TMEM114: variants seen among roughly 807,000 people sequenced by gnomAD.
TMEM114 encodes claudin-26.
Under a neutral mutation model 6.2 loss-of-function variants are expected in TMEM114, and 6 were observed. The observed-to-expected ratio is 0.97, with a 90% CI of 0.53 to 1.91. TMEM114 has a LOEUF of 1.91. TMEM114 is among the 40% of genes most tolerant of loss of function. The pLI is 0.01. For missense variants in TMEM114, 218 were observed against 158.3 expected (o/e 1.38, Z -2.02); for synonymous variants, 104 against 73.0 (o/e 1.42, Z -2.16).
chr16:8,588,888 C>T (rs1433482084), intron 2 of TMEM114, among the ~76,000 whole-genome samples: 3 of 152,232 alleles, frequency 2.0e-5, no homozygotes, highest in Non-Finnish European at 4.4e-5. Context: ...CTGCTGGACT[C>T]TAACTGCGCG....
At chr16:8,564,405 ATGAG>A (rs1242643024) in intron 2 of TMEM114, among the ~76,000 whole-genome samples, 6 of 144,024 alleles carry the variant, frequency 4.2e-5, no homozygotes, top group African/African-American at 1.1e-4. Flanking sequence ...GAGTGAGTGA[ATGAG>A]TGAGTGAGTA....
At chr16:8,568,787 A>T (rs979172276), downstream of TMEM114, among the ~76,000 whole-genome samples, 3 of 152,216 alleles carry the variant, frequency 2.0e-5, no homozygotes, top group Non-Finnish European at 4.4e-5. Context: ...GAGAGCTCTT[A>T]AAAAACACTG....
chr16:8,536,851 T>G (rs76290277), downstream of TMEM114, among the ~76,000 whole-genome samples: 629 of 152,222 alleles, frequency 4.1e-3, 5 homozygotes, highest in African/African-American at 0.015. Flanking sequence ...GGCACTTGTT[T>G]GTTTCAAAAT....
chr16:8,581,552 C>T (rs1450403940), intron 2 of TMEM114, among the ~76,000 whole-genome samples: 2 of 152,116 alleles, frequency 1.3e-5, no homozygotes, highest in African/African-American at 4.8e-5. Flanking sequence ...CTCTTGAGCT[C>T]AAGCAATTCC....
chr16:8,567,266 G>C (rs536183171), downstream of TMEM114, among the ~76,000 whole-genome samples: 1 of 152,264 alleles, frequency 6.6e-6, no homozygotes, highest in East Asian at 1.9e-4. Context: ...CTCTCAGATA[G>C]ATTATTGGTT....
chr16:8,555,738 G>C (rs930295869), intron 2 of TMEM114, among the ~76,000 whole-genome samples: 2 of 152,208 alleles, frequency 1.3e-5, no homozygotes, highest in African/African-American at 2.4e-5. Context: ...AATATCTGGA[G>C]ACGTTTTTGG....
At position 8,589,664 on chromosome 16, in the gene TMEM114, G is replaced by T. The variant is rs1902423050; in HGVS notation, c.175C>A (p.Pro59Thr). Residue 59 changes from proline (P) to threonine (T), a missense_variant, in exon 1 of 4, where the codon CCC becomes ACC. Coordinates refer to ENST00000620492, the MANE Select transcript of TMEM114 (RefSeq NM_001146336.2). ...DLLGSINRSQ[P>T]EPLSSHSGLW... ...CCGGAGTGGGAGCTCAGAGGCTCGGGCTGGCTGCGATTGATGGACCCCAGC... is the reference window on the plus strand; with the variant it reads ...CCGGAGTGGGAGCTCAGAGGCTCGGTCTGGCTGCGATTGATGGACCCCAGC... The T allele has an allele frequency of 7.5e-6, 3 of 398,552 alleles. No homozygotes were observed. The highest frequency in any genetic ancestry group is 8.8e-6 in the Non-Finnish European group (2 of 226,050). The allele number at this position is 398,552 out of a possible 1,614,324, so 24.7% of individuals were successfully genotyped here.
At chr16:8,551,287 C>G (rs986250970) in intron 2 of TMEM114, among the ~76,000 whole-genome samples, 4 of 152,158 alleles carry the variant, frequency 2.6e-5, no homozygotes, top group African/African-American at 9.7e-5. Context: ...AAGCAAGACC[C>G]TCTGAAAAGC....
At chr16:8,584,388 C>A (rs548828178) in intron 2 of TMEM114, among the ~76,000 whole-genome samples, 1 of 152,178 alleles carries the variant, frequency 6.6e-6, no homozygotes, top group Non-Finnish European at 1.5e-5. Flanking sequence ...TAATTCCAGT[C>A]CCTAGCCCAA....
At chr16:8,536,117 C>T (rs981605838), downstream of TMEM114, among the ~76,000 whole-genome samples, 1 of 151,538 alleles carries the variant, frequency 6.6e-6, no homozygotes, top group South Asian at 2.1e-4. Context: ...CCCAGCTACT[C>T]GGGAGGCTGA....
the TMEM114 span, among the ~76,000 whole-genome samples, chr16:8,531,662 A>G: frequency 6.6e-6 from 1 of 152,240 alleles, no homozygotes; most frequent in Non-Finnish European, 1.5e-5. Context: ...ACTCATCCAT[A>G]GAAAACTCAA....
chr16:8,564,327 T>G (rs1316584577), intron 2 of TMEM114, among the ~76,000 whole-genome samples: 14 of 132,488 alleles, frequency 1.1e-4, no homozygotes, highest in South Asian at 2.4e-4. Flanking sequence ...ATGAGTGAGT[T>G]AGAGAATGAG....
At chr16:8,539,831 T>C (rs1442159285) in intron 2 of TMEM114, among the ~76,000 whole-genome samples, 1 of 152,172 alleles carries the variant, frequency 6.6e-6, no homozygotes, top group East Asian at 1.9e-4. Context: ...ATTATTTTAT[T>C]TTTTTACACA....
chr16:8,563,953 G>GTGAGTGAA (rs371049312), intron 2 of TMEM114, among the ~76,000 whole-genome samples: 1 of 146,332 alleles, frequency 6.8e-6, no homozygotes, highest in Non-Finnish European at 1.5e-5. Context: ...AAGTAAATGA[G>GTGAGTGAA]TGAGTGAATG....
chr16:8,541,883 T>C lies in TMEM114; in HGVS notation n.213-4057A>G, dbSNP rs560032771. Among the ~76,000 whole-genome samples, 5 of 152,226 alleles carry C rather than the reference T, an allele frequency of 3.3e-5. No homozygotes were observed. The South Asian group carries it at 1.0e-3, about 32-fold the overall frequency. ...TGGTGAGGATCAAAGGGGTCTGGCT[T>C]ACAAAGACGTAGCACAGGCTCCAAT... On this transcript the variant is annotated intron_variant and non_coding_transcript_variant, in intron 2 of 2. Coordinates refer to the TMEM114 transcript ENST00000623677.
downstream of TMEM114, among the ~76,000 whole-genome samples, chr16:8,532,902 T>C (rs2030985): frequency 0.58 from 88,617 of 151,796 alleles, 25,864 homozygotes; most frequent in South Asian, 0.68. Context: ...CCAGCCTGGG[T>C]GACAGCGCAA....
At chr16:8,550,699 C>A (rs111407968) in intron 2 of TMEM114, among the ~76,000 whole-genome samples, 71 of 119,262 alleles carry the variant, frequency 6.0e-4, no homozygotes, top group South Asian at 2.1e-3. Flanking sequence ...AAAAAAAAAA[C>A]CAAAAAAAAA....
intron 2 of TMEM114, among the ~76,000 whole-genome samples, chr16:8,552,393 A>G (rs942570497): frequency 6.6e-6 from 1 of 150,552 alleles, no homozygotes; most frequent in Non-Finnish European, 1.5e-5. Context: ...CTTTAAAAGA[A>G]AAAAAAAATA....
At chr16:8,564,695 GAGTGAGTGAGTGAA>G (rs1567203928), downstream of TMEM114, among the ~76,000 whole-genome samples, 4 of 149,212 alleles carry the variant, frequency 2.7e-5, no homozygotes, top group African/African-American at 1.0e-4. Flanking sequence ...GTGAGTGAAT[GAGTGAGTGAGTGAA>G]TGAGTGAGTA....
Sources: allele counts gnomAD v4.1 joint callset (sites outside exome capture counted in the v4.1 genomes callset), GRCh38; gene constraint gnomAD v4.1.1; transcripts MANE v1.5; gene names NCBI Gene and HGNC (gene_info 2026-07-23, HGNC 2026-07-21).